CDKL5: variants seen among roughly 807,000 people sequenced by gnomAD.
CDKL5 encodes cyclin dependent kinase like 5, also known as cyclin-dependent kinase-like 5.
CDKL5 carries 8 observed loss-of-function variants against 61.7 expected under a neutral mutation model. The ratio of observed to expected loss-of-function variants is 0.13; its 90% CI spans 0.08 to 0.23. The LOEUF is 0.23. CDKL5 is among the 10% of genes least tolerant of loss of function. The pLI, the probability that CDKL5 is intolerant of heterozygous loss-of-function variation, is 1.00. For missense variants in CDKL5, 440 were observed against 734.5 expected (o/e 0.60, Z 4.63); for synonymous variants, 275 against 272.3 (o/e 1.01, Z -0.10).
intron 1 of CDKL5, among the ~76,000 whole-genome samples, chrX:18,460,564 T>C (rs1282641394): frequency 9.0e-6 from 1 of 111,249 alleles, no homozygotes; most frequent in Non-Finnish European, 1.9e-5. Context: ...AGGGGTGTGA[T>C]CTCAGCTCAC....
Position 18,634,705 on chromosome X carries a change from A to C in CDKL5, c.*5948A>C. On this transcript the variant is annotated 3_prime_UTR_variant, in exon 18 of 18. Coordinates refer to ENST00000623535, the MANE Select transcript of CDKL5 (RefSeq NM_001323289.2). Reference sequence around the variant, plus strand: ...GGTAATACGGTGATTAAAAGAAGTAAATTCTCACTGTAAACTTGGATTGAT... The same window carrying C: ...GGTAATACGGTGATTAAAAGAAGTACATTCTCACTGTAAACTTGGATTGAT... 2 of 753,012 alleles carry C rather than the reference A, an allele frequency of 2.7e-6. No individual in the cohort carries two copies. The highest frequency in any genetic ancestry group is 3.1e-6 in the Non-Finnish European group (2 of 638,490). 62.1% of individuals were successfully genotyped at this position (753,012 alleles called of 1,213,427 possible). A position where few individuals can be genotyped will look rare whatever the true frequency, so the allele number is the denominator to read the frequency against.
chrX:18,559,363 C>G (rs992738457), intron 3 of CDKL5, among the ~76,000 whole-genome samples: 1 of 111,008 alleles, frequency 9.0e-6, no homozygotes, highest in Admixed American at 9.6e-5. Context: ...CACGCGCCAC[C>G]ATGCCGGGCT....
chrX:18,637,951 G>T lies in CDKL5; in HGVS notation c.*9194G>T, dbSNP rs1225717981. 9.0e-6 allele frequency: 1 copy of T among 111,628 alleles called. No homozygotes were observed. The highest frequency in any genetic ancestry group is 9.5e-5 in the Admixed American group (1 of 10,479). The allele number at this position is 111,628 out of a possible 1,213,427, so 9.2% of individuals were successfully genotyped here. On this transcript the variant is annotated 3_prime_UTR_variant, in exon 18 of 18. Coordinates refer to ENST00000623535, the MANE Select transcript of CDKL5 (RefSeq NM_001323289.2). The stretch of plus-strand genomic sequence containing the variant: ...GATGCACGTAGCCTATTTGATCTTC[G>T]TATCAGCCCTGTAAGGTTGGGCTTA...
At chrX:18,583,126 C>G (rs1306462722) in intron 7 of CDKL5, among the ~76,000 whole-genome samples, 1 of 111,490 alleles carries the variant, frequency 9.0e-6, no homozygotes, top group African/African-American at 3.3e-5. Flanking sequence ...GATTACTACC[C>G]AAAACAGAGA....
In CDKL5 at chrX:18,629,827, C is replaced by T. The variant is rs1054028707; in HGVS notation, c.*1070C>T. The stretch of plus-strand genomic sequence containing the variant: ...GCACACAGGGGAGAATAGATTGAGG[C>T]GTTACTCGTGGGTCTTTGTAGAGAG... On this transcript the variant is annotated 3_prime_UTR_variant, in exon 18 of 18. Transcript: ENST00000623535. The T allele has an allele frequency of 1.1e-5, 8 of 752,263 alleles. No individual in the cohort carries two copies. Among genetic ancestry groups the T allele is most frequent in the Middle Eastern group, 7.6e-4 (1 of 1,319 alleles). 62.0% of individuals were successfully genotyped at this position (752,263 alleles called of 1,213,427 possible).
chrX:18,575,101 T>C (rs771112841), intron 4 of CDKL5, among the ~76,000 whole-genome samples: 1 of 112,327 alleles, frequency 8.9e-6, no homozygotes, highest in Non-Finnish European at 1.9e-5. Context: ...TACATACACA[T>C]AGTAAAAGGA....
At chrX:18,598,257 G>T (rs1926069419) in intron 10 of CDKL5, among the ~76,000 whole-genome samples, 1 of 110,652 alleles carries the variant, frequency 9.0e-6, no homozygotes, top group Admixed American at 9.6e-5. Context: ...TCAAAAAAGG[G>T]CTGGGATCAT....
At chrX:18,511,610 C>T (rs1390101715) in intron 3 of CDKL5, among the ~76,000 whole-genome samples, 1 of 111,428 alleles carries the variant, frequency 9.0e-6, no homozygotes, top group African/African-American at 3.3e-5. Context: ...ACCATGTAGC[C>T]TAGATGTGTA....
chrX:18,485,939 C>T (rs1300485792), intron 1 of CDKL5, among the ~76,000 whole-genome samples: 1 of 111,380 alleles, frequency 9.0e-6, no homozygotes, highest in Non-Finnish European at 1.9e-5. Context: ...TGAAGCAGGA[C>T]AGGAATGTAG....
At position 18,509,238 on chromosome X, in the gene CDKL5, CACACACA is replaced by C. The variant is rs1569198504; in HGVS notation, c.65-1581_65-1575del. ...ACACACACACACACACACACACACA[CACACACA>C]CCCCTGTCAAGCAAACTCTGCATTC... On this transcript the variant is annotated intron_variant, in intron 2 of 17. Coordinates refer to ENST00000623535, the MANE Select transcript of CDKL5 (RefSeq NM_001323289.2). Among the ~76,000 whole-genome samples, 32 of 107,669 alleles carry C rather than the reference CACACACA, an allele frequency of 3.0e-4. No homozygotes were observed. In the East Asian group the frequency reaches 6.0e-3, roughly 20 times the overall value. The allele number at this position is 107,669 out of a possible 115,157, so 93.5% of individuals were successfully genotyped here. A position where few individuals can be genotyped will look rare whatever the true frequency, so the allele number is the denominator to read the frequency against.
rs1023413494 is a variant in CDKL5, at chrX:18,635,494, C to T, written c.*6737C>T. 1.3e-6 allele frequency: 1 copy of T among 752,711 alleles called. No homozygotes were observed. The highest frequency in any genetic ancestry group is 1.6e-6 in the Non-Finnish European group (1 of 639,008). 62.0% of individuals were successfully genotyped at this position (752,711 alleles called of 1,213,427 possible). A position where few individuals can be genotyped will look rare whatever the true frequency, so the allele number is the denominator to read the frequency against. On this transcript the variant is annotated 3_prime_UTR_variant, in exon 18 of 18. Coordinates refer to ENST00000623535, the MANE Select transcript of CDKL5 (RefSeq NM_001323289.2). ...AGTTCCTTCTTGGGAAGAAAGAATG[C>T]ATTCGAATTCAAATGAGGGATGATG...
Position 18,519,547 on chromosome X carries a change from G to T in CDKL5, c.99+8693G>T, listed in dbSNP as rs187534672. On this transcript the variant is annotated intron_variant, in intron 3 of 17. Coordinates refer to ENST00000623535, the MANE Select transcript of CDKL5 (RefSeq NM_001323289.2). Reference sequence around the variant, plus strand: ...TGGACTTGAGTAAATCCTTTGAATGGCTGGGCAGGAAGTTTTGTATTGGTT... The same window carrying T: ...TGGACTTGAGTAAATCCTTTGAATGTCTGGGCAGGAAGTTTTGTATTGGTT... 4.3e-3 allele frequency among the ~76,000 whole-genome samples: 485 copies of T among 111,519 alleles called. 2 individuals are homozygous for T. Among genetic ancestry groups the T allele is most frequent in the Middle Eastern group, 0.042 (9 of 216 alleles).
Position 18,604,614 on chromosome X carries a change from C to G in CDKL5, c.1690C>G (p.His564Asp). ...GGACTCACGTCGAACCACAACCAGA[C>G]ATTCTAAGACGATGGAGGAATTGAA... ...TLDSRRTTTR[H>D]SKTMEELKLP... The change falls in exon 12 of 18, where the codon CAT (histidine) becomes GAT (aspartate). Residue 564 changes from histidine to aspartate, a missense_variant. Physicochemically the swap from His to Asp is moderately conservative, Grantham distance 81. Transcript: ENST00000623535. The G allele has an allele frequency of 8.2e-7, 1 of 1,212,131 alleles. No homozygotes were observed. Among genetic ancestry groups the G allele is most frequent in the South Asian group, 1.8e-5 (1 of 57,027 alleles).
intron 3 of CDKL5, among the ~76,000 whole-genome samples, chrX:18,534,312 G>A (rs1002656885): frequency 4.5e-5 from 5 of 110,888 alleles, no homozygotes; most frequent in Non-Finnish European, 9.4e-5. Flanking sequence ...TAAATTTGAA[G>A]TTGTATATTC....
intron 1 of CDKL5, among the ~76,000 whole-genome samples, chrX:18,458,867 A>G (rs1376267578): frequency 1.8e-5 from 2 of 112,582 alleles, no homozygotes; most frequent in Non-Finnish European, 3.8e-5. Flanking sequence ...GTGTTCTGTT[A>G]GGTAGCACTG....
intron 11 of CDKL5, among the ~76,000 whole-genome samples, chrX:18,600,366 G>A (rs1290167212): frequency 5.4e-5 from 6 of 111,725 alleles, no homozygotes; most frequent in Admixed American, 9.5e-5. Context: ...AGGAATAGTA[G>A]TCATCATTTG....
chrX:18,481,440 C>A (rs1293166783), intron 1 of CDKL5, among the ~76,000 whole-genome samples: 1 of 107,116 alleles, frequency 9.3e-6, no homozygotes, highest in Non-Finnish European at 1.9e-5. Context: ...ACAGCCTTGA[C>A]CTCCTAGGCT....
intron 1 of CDKL5, among the ~76,000 whole-genome samples, chrX:18,489,264 G>T (rs939321956): frequency 1.6e-4 from 18 of 111,070 alleles, no homozygotes; most frequent in Non-Finnish European, 3.0e-4. Context: ...GGGGACAGGG[G>T]ATTCTCCTGC....
chrX:18,644,201 A>G (rs147982440), downstream of CDKL5, among the ~76,000 whole-genome samples: 566 of 112,272 alleles, frequency 5.0e-3, 4 homozygotes, highest in Non-Finnish European at 7.5e-3. Context: ...GGAAACTCAG[A>G]CAAATTTTTT....
Sources: gnomAD v4.1 joint callset for allele counts (sites outside exome capture counted in the v4.1 genomes callset) on GRCh38, gnomAD v4.1.1 for gene constraint, MANE v1.5 for transcripts, NCBI Gene and HGNC (gene_info 2026-07-23, HGNC 2026-07-21) for gene names.